UST: variants seen among roughly 807,000 people sequenced by gnomAD.
The protein encoded by UST is chondroitin sulfate 2-O-sulfotransferase.
In UST, 21 loss-of-function variants were observed where a neutral mutation model predicts 45.6. The ratio of observed to expected loss-of-function variants is 0.46; its 90% CI spans 0.33 to 0.66. The LOEUF (loss-of-function observed/expected upper bound fraction) is 0.66, where lower values mean the gene tolerates loss of function less well. Among genes scored for constraint, UST ranks in the 30% least tolerant of loss-of-function variants. The pLI is 0.02. For missense variants in UST, 463 were observed against 512.4 expected (o/e 0.90, Z 0.93); for synonymous variants, 215 against 200.6 (o/e 1.07, Z -0.61).
chr6:148,753,629 A>G (rs1776033255), intron 1 of UST, among the ~76,000 whole-genome samples: 1 of 152,192 alleles, frequency 6.6e-6, no homozygotes, highest in African/African-American at 2.4e-5. Context: ...TAGTGCTGCT[A>G]TGAACATTTG....
At chr6:148,923,434 A>G (rs762665444) in intron 2 of UST, among the ~76,000 whole-genome samples, 30 of 152,192 alleles carry the variant, frequency 2.0e-4, no homozygotes, top group Non-Finnish European at 8.8e-5. Context: ...ATCCTTGCCA[A>G]CATTTGTCAT....
intron 7 of UST, among the ~76,000 whole-genome samples, chr6:149,039,121 T>C (rs1158099870): frequency 6.6e-6 from 1 of 152,190 alleles, no homozygotes; most frequent in African/African-American, 2.4e-5. Context: ...CTTTCCTGTG[T>C]TCTCTGCCTT....
chr6:148,941,449 C>T lies in UST; in HGVS notation c.447+15C>T. On this transcript the variant is annotated intron_variant, in intron 3 of 7. Coordinates refer to ENST00000367463, the MANE Select transcript of UST (RefSeq NM_005715.3). ...AAAATGAACAAGTAAGTTGACTTTG[C>T]ACATTGTTAAATTGTGTTTTGCTTC... 1 of 1,583,412 alleles carries T rather than the reference C, an allele frequency of 6.3e-7. No individual in the cohort carries two copies. Among genetic ancestry groups the T allele is most frequent in the Non-Finnish European group, 8.6e-7 (1 of 1,169,500 alleles).
At chr6:148,751,153 A>G (rs981093560) in intron 1 of UST, among the ~76,000 whole-genome samples, 4 of 152,244 alleles carry the variant, frequency 2.6e-5, no homozygotes, top group African/African-American at 9.6e-5. Context: ...TATTTGAGAG[A>G]AAGGAGGAAT....
chr6:148,925,438 CA>C (rs34272813), intron 2 of UST, among the ~76,000 whole-genome samples: 42,642 of 150,182 alleles, frequency 0.28, 6,937 homozygotes, highest in African/African-American at 0.45. Context: ...AAACTTTCTA[CA>C]AAAAAAAAGA....
At chr6:149,036,996 C>T (rs1776248175) in intron 7 of UST, among the ~76,000 whole-genome samples, 1 of 152,112 alleles carries the variant, frequency 6.6e-6, no homozygotes. Context: ...TCCACATAAC[C>T]TGGTGGAAAA....
chr6:148,782,596 G>A (rs897314841), intron 1 of UST, among the ~76,000 whole-genome samples: 3 of 151,664 alleles, frequency 2.0e-5, no homozygotes, highest in South Asian at 2.1e-4. Context: ...GATTACAGGC[G>A]CCTGCCACCA....
chr6:149,068,628 T>C (rs1215602314), intron 7 of UST, among the ~76,000 whole-genome samples: 1 of 152,240 alleles, frequency 6.6e-6, no homozygotes, highest in Non-Finnish European at 1.5e-5. Flanking sequence ...TATAATATTT[T>C]ACATATTTAT....
At chr6:148,758,675 T>C (rs1283726033) in intron 1 of UST, among the ~76,000 whole-genome samples, 1 of 152,164 alleles carries the variant, frequency 6.6e-6, no homozygotes, top group African/African-American at 2.4e-5. Context: ...CAGAAGCAGA[T>C]CTTGTGTCTT....
In UST at chr6:148,894,827, T is replaced by TTC. The variant is rs139656112; in HGVS notation, c.291+7799_291+7800insCT. ...ATAATTTCAGTGCTTTTTTTTTTTT[T>TTC]TTTTTTTTTGAGATGGAGTCTCGCT... On this transcript the variant is annotated intron_variant, in intron 2 of 7. Coordinates refer to ENST00000367463, the MANE Select transcript of UST (RefSeq NM_005715.3). Among the ~76,000 whole-genome samples, 7 of 70,670 alleles carry TTC rather than the reference T, an allele frequency of 9.9e-5. No individual in the cohort carries two copies. In the South Asian group the frequency reaches 2.4e-3, roughly 24 times the overall value. 46.4% of individuals were successfully genotyped at this position (70,670 alleles called of 152,430 possible).
At chr6:148,895,005 A>G (rs909799658) in intron 2 of UST, among the ~76,000 whole-genome samples, 1 of 151,798 alleles carries the variant, frequency 6.6e-6, no homozygotes, top group Non-Finnish European at 1.5e-5. Flanking sequence ...TTTAGTAGAG[A>G]CGGGGTTTCA....
intron 5 of UST, among the ~76,000 whole-genome samples, chr6:148,977,772 G>GA (rs1372641723): frequency 3.4e-5 from 4 of 118,680 alleles, no homozygotes; most frequent in Non-Finnish European, 1.8e-5. Flanking sequence ...AAAAAAAAAA[G>GA]AAAAGAAAAT....
chr6:149,060,668 C>T (rs1776641075), intron 7 of UST, among the ~76,000 whole-genome samples: 1 of 152,232 alleles, frequency 6.6e-6, no homozygotes, highest in South Asian at 2.1e-4. Context: ...TCCTCTCCCA[C>T]TGCCGAGTGC....
intron 1 of UST, among the ~76,000 whole-genome samples, chr6:148,800,103 T>C (rs2114715599): frequency 6.6e-6 from 1 of 152,326 alleles, no homozygotes; most frequent in Admixed American, 6.5e-5. Context: ...AATTTGAATA[T>C]GGATTTTATG....
chr6:149,071,611 A>G (rs2115047239), intron 7 of UST, among the ~76,000 whole-genome samples: 1 of 152,350 alleles, frequency 6.6e-6, no homozygotes, highest in East Asian at 1.9e-4. Context: ...TATGAGAAAA[A>G]TGGATAAAAT....
intron 1 of UST, among the ~76,000 whole-genome samples, chr6:148,770,500 G>A (rs767882514): frequency 1.3e-5 from 2 of 151,920 alleles, no homozygotes; most frequent in Non-Finnish European, 1.5e-5. Context: ...GAACTTGTAC[G>A]TTACACTAAC....
At chr6:148,937,296 T>C (rs1257543611) in intron 2 of UST, among the ~76,000 whole-genome samples, 2 of 152,170 alleles carry the variant, frequency 1.3e-5, no homozygotes, top group African/African-American at 4.8e-5. Context: ...AGAGAAATGA[T>C]AGAAGTACCG....
At chr6:148,824,675 T>TTTC (rs71878858) in intron 1 of UST, among the ~76,000 whole-genome samples, 1,833 of 34,180 alleles carry the variant, frequency 0.054, 35 homozygotes, top group African/African-American at 0.23. Flanking sequence ...ATTTTCTTTC[T>TTTC]TTTTTTTTTT....
At chr6:148,760,182 C>T (rs1027532185) in intron 1 of UST, among the ~76,000 whole-genome samples, 4 of 152,170 alleles carry the variant, frequency 2.6e-5, no homozygotes, top group Admixed American at 1.3e-4. Context: ...ATCAGCAGTG[C>T]GTTTCCTCCA....
Sources: allele counts gnomAD v4.1 joint callset (sites outside exome capture counted in the v4.1 genomes callset), GRCh38; gene constraint gnomAD v4.1.1; transcripts MANE v1.5; gene names NCBI Gene and HGNC (gene_info 2026-07-23, HGNC 2026-07-21).